Variants in BAZ1B observed in about 807,000 individuals in gnomAD.
The protein encoded by BAZ1B is tyrosine-protein kinase BAZ1B.
BAZ1B carries 22 observed loss-of-function variants against 153.8 expected under a neutral mutation model. The observed-to-expected ratio is 0.14, with a 90% confidence interval of 0.10 to 0.20. The LOEUF (loss-of-function observed/expected upper bound fraction) is 0.20, where lower values mean the gene tolerates loss of function less well. Among genes scored for constraint, BAZ1B ranks in the 10% least tolerant of loss-of-function variants. BAZ1B has a pLI of 1.00. For missense variants in BAZ1B, 1,325 were observed against 1,799.3 expected (o/e 0.74, Z 4.77); for synonymous variants, 676 against 633.4 (o/e 1.07, Z -1.01).
At chr7:73,490,948 G>A (rs1296213772) in intron 5 of BAZ1B, among the ~76,000 whole-genome samples, 2 of 151,618 alleles carry the variant, frequency 1.3e-5, no homozygotes, top group East Asian at 2.0e-4. Context: ...TGAATGAGAA[G>A]AAACTCTGTG....
chr7:73,451,320 C>T (rs551183045), intron 13 of BAZ1B, among the ~76,000 whole-genome samples: 4 of 152,248 alleles, frequency 2.6e-5, no homozygotes, highest in East Asian at 3.9e-4. Flanking sequence ...AATAAAACTC[C>T]GATTTAAAAG....
chr7:73,462,863 G>A (rs1788441012), intron 12 of BAZ1B, 59 bp downstream of exon 12: 3 of 1,569,374 alleles, frequency 1.9e-6, no homozygotes, highest in Non-Finnish European at 2.6e-6. Flanking sequence ...CAGCACCAGG[G>A]AAGAACTTCA....
chr7:73,506,655 C>T (rs1181511425), intron 3 of BAZ1B, among the ~76,000 whole-genome samples: 1 of 150,874 alleles, frequency 6.6e-6, no homozygotes, highest in African/African-American at 2.4e-5. Flanking sequence ...AGTTCAAGAC[C>T]AGCCTGACCA....
chr7:73,498,439 T>C (rs1790001718), intron 4 of BAZ1B, 58 bp downstream of exon 4: 1 of 1,512,672 alleles, frequency 6.6e-7, no homozygotes, highest in Non-Finnish European at 9.2e-7. Flanking sequence ...AAAGATGTGT[T>C]CATAATAAAA....
Position 73,510,717 on chromosome 7 carries a change from C to G in BAZ1B, c.224+19G>C, listed in dbSNP as rs369490825. ...ACAATGTGAAGATGGTGGCAAAGAG[C>G]AATACTTCCATTACTTACAGCTCAG... On this transcript the variant is annotated intron_variant, in intron 2 of 19. Coordinates refer to ENST00000339594, the MANE Select transcript of BAZ1B (RefSeq NM_032408.4). 1.3e-6 allele frequency: 2 copies of G among 1,597,502 alleles called. No homozygotes were observed. The highest frequency in any genetic ancestry group is 1.7e-6 in the Non-Finnish European group (2 of 1,165,018).
chr7:73,477,003 T>C lies in BAZ1B; in HGVS notation c.2458A>G (p.Arg820Gly), dbSNP rs1554572894. ...KVENGLGKTD[R>G]KKEIVKFEPQ... ...TCAAACTTCACAATTTCTTTTTTCC[T>C]ATCAGTTTTGCCTAACCCATTCTCA... is the stretch of plus-strand genomic sequence containing the variant. The change falls in exon 7 of 20, where the codon AGG becomes GGG. Residue 820 changes from arginine (R) to glycine (G), a missense_variant. Physicochemically the swap from Arg to Gly is moderately radical, Grantham distance 125. Around this residue, in one of 9 missense-constraint regions of BAZ1B, gnomAD observed 431 missense variants for 563.5 expected, o/e 0.76. Transcript: ENST00000339594. The surrounding 1 kb of genome is among the most constrained non-coding windows in gnomAD (Gnocchi z 5.6). 1.2e-6 allele frequency: 2 copies of C among 1,614,244 alleles called. No individual in the cohort carries two copies. The highest frequency in any genetic ancestry group is 1.6e-4 in the Middle Eastern group (1 of 6,062).
At chr7:73,473,001 G>A (rs1788870025) in intron 7 of BAZ1B, among the ~76,000 whole-genome samples, 1 of 151,506 alleles carries the variant, frequency 6.6e-6, no homozygotes, top group Non-Finnish European at 1.5e-5. Context: ...GGAGTACGGT[G>A]GCCGATCTTG....
At chr7:73,517,271 T>C (rs2115616540) in intron 1 of BAZ1B, among the ~76,000 whole-genome samples, 1 of 151,550 alleles carries the variant, frequency 6.6e-6, no homozygotes, top group African/African-American at 2.4e-5. Flanking sequence ...AGCGGGAGGA[T>C]CACTTGAGGC....
intron 6 of BAZ1B, among the ~76,000 whole-genome samples, chr7:73,487,956 T>C (rs1789478725): frequency 1.3e-5 from 2 of 152,244 alleles, no homozygotes; most frequent in Non-Finnish European, 2.9e-5. Context: ...TCTTTACTAA[T>C]GTTTTGGAGA....
At chr7:73,481,978 G>A (rs1219497066) in intron 6 of BAZ1B, among the ~76,000 whole-genome samples, 1 of 152,120 alleles carries the variant, frequency 6.6e-6, no homozygotes, top group Non-Finnish European at 1.5e-5. Context: ...GGCGGAGCTC[G>A]CAGTGAGCCG....
Position 73,477,417 on chromosome 7 carries a change from G to C in BAZ1B, c.2044C>G (p.Pro682Ala). 6.2e-7 allele frequency: 1 copy of C among 1,614,206 alleles called. No homozygotes were observed. The highest frequency in any genetic ancestry group is 8.5e-7 in the Non-Finnish European group (1 of 1,180,040). Residue 682 changes from proline (P) to alanine (A), a missense_variant, in exon 7 of 20, where the codon CCC (proline) becomes GCC (alanine). Pro to Ala is a conservative substitution (Grantham distance 27). Coordinates refer to ENST00000339594, the MANE Select transcript of BAZ1B (RefSeq NM_032408.4). This position sits in a 1 kb window ranked among gnomAD's most constrained non-coding sequence, Gnocchi z 5.6. ...TCTGAAACAGAATGCAGAGTCAAGG[G>C]GATTTCCGACAGCTTCATTCCCAAT... ...GELGMKLSEI[P>A]LTLHSVSELV...
chr7:73,474,496 C>G (rs1296654225), intron 7 of BAZ1B, among the ~76,000 whole-genome samples: 1 of 152,156 alleles, frequency 6.6e-6, no homozygotes, highest in Admixed American at 6.5e-5. Context: ...AAGGACAGGC[C>G]AGGTGCAGTG....
rs2116340457 is a variant in BAZ1B at position 73,478,334 on chromosome 7, T to C, written c.1127A>G (p.Asn376Ser). Reference protein sequence around the residue: ...LEEMMKMMSPNKLHTNFHIPK... With the variant: ...LEEMMKMMSPSKLHTNFHIPK... Reference sequence around the variant, plus strand: ...AATGTGAAAGTTAGTGTGCAGCTTATTGGGCGACATCATCTTCATCATTTC... The same window carrying C: ...AATGTGAAAGTTAGTGTGCAGCTTACTGGGCGACATCATCTTCATCATTTC... The change falls in exon 7 of 20, where the codon AAT (asparagine) becomes AGT (serine). Residue 376 changes from asparagine to serine, a missense_variant. Physicochemically the swap from Asn to Ser is conservative, Grantham distance 46. Transcript: ENST00000339594. The C allele has an allele frequency of 2.5e-6, 4 of 1,613,826 alleles. No individual in the cohort carries two copies. Among genetic ancestry groups the C allele is most frequent in the African/African-American group, 1.3e-5 (1 of 74,994 alleles).
At chr7:73,482,161 G>T (rs114968481) in intron 6 of BAZ1B, among the ~76,000 whole-genome samples, 1,911 of 152,324 alleles carry the variant, frequency 0.013, 43 homozygotes, top group African/African-American at 0.044. Context: ...CCCTATCCAT[G>T]ACTCCGGGAT....
Position 73,444,006 on chromosome 7 carries a change from T to C in BAZ1B, c.3968A>G (p.Asp1323Gly). Reference sequence around the variant, plus strand: ...CACCAGCTCATCCACCTCAGCATCATCCACAGGTGGTGCCTTGGGCTGAGA... The same window carrying C: ...CACCAGCTCATCCACCTCAGCATCACCCACAGGTGGTGCCTTGGGCTGAGA... ...RRSQPKAPPV[D>G]DAEVDELVLQ... The change falls in exon 17 of 20, where the codon GAT (aspartate) becomes GGT (glycine). Residue 1323 changes from aspartate to glycine, a missense_variant. By Grantham distance (94) the Asp-to-Gly change is moderately conservative. This residue lies in a region of BAZ1B where 271 missense variants were observed against 337.2 expected (regional missense o/e 0.80). Coordinates refer to ENST00000339594, the MANE Select transcript of BAZ1B (RefSeq NM_032408.4). 3 of 1,613,680 alleles carry C rather than the reference T, an allele frequency of 1.9e-6. No homozygotes were observed. Among genetic ancestry groups the C allele is most frequent in the Non-Finnish European group, 2.5e-6 (3 of 1,179,844 alleles).
At position 73,447,867 on chromosome 7, in the gene BAZ1B, G is replaced by A. The variant is rs1458429502; in HGVS notation, c.3729-488C>T. Among the ~76,000 whole-genome samples, 5 of 152,290 alleles carry A rather than the reference G, an allele frequency of 3.3e-5. No homozygotes were observed. The East Asian group carries it at 9.6e-4, about 29-fold the overall frequency. ...CAGATGACCATAATATCAAAGCAGT[G>A]GTAATCCCAGCTCGGAACAGCTGGT... On this transcript the variant is annotated intron_variant, in intron 15 of 19. Coordinates refer to ENST00000339594, the MANE Select transcript of BAZ1B (RefSeq NM_032408.4).
At chr7:73,485,718 G>A (rs1789381417) in intron 6 of BAZ1B, among the ~76,000 whole-genome samples, 2 of 151,902 alleles carry the variant, frequency 1.3e-5, no homozygotes, top group South Asian at 4.2e-4. Flanking sequence ...ACAGAAATTT[G>A]GTAGTGTTTT....
chr7:73,471,098 G>A (rs1027314930), intron 7 of BAZ1B, among the ~76,000 whole-genome samples: 1 of 152,058 alleles, frequency 6.6e-6, no homozygotes, highest in Non-Finnish European at 1.5e-5. Context: ...CCATAAATAG[G>A]ACTAACTGAA....
chr7:73,490,964 T>C (rs1441437626), intron 5 of BAZ1B, among the ~76,000 whole-genome samples: 1 of 151,270 alleles, frequency 6.6e-6, no homozygotes, highest in African/African-American at 2.4e-5. Flanking sequence ...CTGTGAAAAA[T>C]TGTATTTAAC....
Sources: gnomAD v4.1 joint callset for allele counts (sites outside exome capture counted in the v4.1 genomes callset) on GRCh38, gnomAD v4.1.1 for gene constraint, gnomAD v4.1.1 regional missense constraint, Gnocchi (gnomAD v3.1) non-coding constraint, MANE v1.5 for transcripts, NCBI Gene and HGNC (gene_info 2026-07-23, HGNC 2026-07-21) for gene names.